GFM1: variants seen among roughly 807,000 people sequenced by gnomAD.
GFM1 encodes the protein elongation factor G, mitochondrial.
Under a neutral mutation model 96.2 loss-of-function variants are expected in GFM1, and 62 were observed. The observed-to-expected ratio is 0.64, with a 90% CI of 0.53 to 0.80. GFM1 has a LOEUF of 0.80. Ranked by LOEUF, GFM1 falls within the 30% of genes least tolerant of loss-of-function variation. GFM1 has a pLI of 0.00. For synonymous variants in GFM1, 282 were observed against 312.9 expected, an observed-to-expected ratio of 0.90 and a Z score of 1.04; for missense variants, 852 against 916.6, an observed-to-expected ratio of 0.93 and a Z score of 0.91.
chr3:158,654,956 T>C (rs1180145779), intron 8 of GFM1, among the ~76,000 whole-genome samples: 9 of 152,330 alleles, frequency 5.9e-5, no homozygotes, highest in African/African-American at 1.4e-4. Flanking sequence ...TTTTAAATAG[T>C]AGCATAACAG....
intron 13 of GFM1, chr3:158,667,197 T>C: frequency 2.8e-6 from 3 of 1,073,896 alleles, no homozygotes; most frequent in Non-Finnish European, 3.8e-6. Context: ...AAAATAAAAA[T>C]TGAATGTCAT....
At chr3:158,680,374 A>G (rs1576784196) in intron 13 of GFM1, among the ~76,000 whole-genome samples, 1 of 152,134 alleles carries the variant, frequency 6.6e-6, no homozygotes, top group Non-Finnish European at 1.5e-5. Context: ...TGTCTTTCAT[A>G]ATGTGACATT....
intron 14 of GFM1, among the ~76,000 whole-genome samples, chr3:158,683,580 G>A (rs150414528): frequency 6.6e-6 from 1 of 152,338 alleles, no homozygotes; most frequent in Non-Finnish European, 1.5e-5. Context: ...ATAATGTAGT[G>A]ATCTGCCAAT....
In GFM1 at chr3:158,666,023, G is replaced by C. The variant is rs565777683; in HGVS notation, c.1519-281G>C. Among the ~76,000 whole-genome samples, 9 of 152,218 alleles carry C rather than the reference G, an allele frequency of 5.9e-5. No homozygotes were observed. In the South Asian group the frequency reaches 1.9e-3, roughly 32 times the overall value. ...CAACAGATTTATATATTATTCCAGT[G>C]AATATGTAATAATATTCAACAATGG... is the stretch of plus-strand genomic sequence containing the variant. On this transcript the variant is annotated intron_variant, in intron 12 of 17. Transcript: ENST00000486715.
At chr3:158,669,700 C>T (rs1350473214) in intron 13 of GFM1, 1 of 1,223,904 alleles carries the variant, frequency 8.2e-7, no homozygotes, top group Non-Finnish European at 1.2e-6. Context: ...GCATAGGCTC[C>T]TAATGGTGTT....
intron 8 of GFM1, chr3:158,656,341 C>G (rs999543318): frequency 5.9e-6 from 1 of 168,224 alleles, no homozygotes; most frequent in Non-Finnish European, 1.3e-5. Flanking sequence ...TTAGTAGAGA[C>G]ATAGTTTCTC....
At chr3:158,644,752 C>T (rs1721608361) in intron 1 of GFM1, 37 bp downstream of exon 1, 1 of 1,523,364 alleles carries the variant, frequency 6.6e-7, no homozygotes, top group Non-Finnish European at 8.9e-7. Flanking sequence ...GGGACCATTC[C>T]CGGAACCTTG....
intron 13 of GFM1, 24 bp downstream of exon 13, chr3:158,666,410 A>G: frequency 6.3e-7 from 1 of 1,583,894 alleles, no homozygotes; most frequent in Non-Finnish European, 8.7e-7. Context: ...GTAATTAAAC[A>G]TTATGAGGCT....
chr3:158,659,780 C>T (rs73028942), intron 9 of GFM1, among the ~76,000 whole-genome samples: 2,451 of 152,216 alleles, frequency 0.016, 54 homozygotes, highest in African/African-American at 0.057. Context: ...AAAATCTTAA[C>T]GAATTTTTTG....
chr3:158,654,591 A>T lies in GFM1; in HGVS notation c.1043A>T (p.Asp348Val), dbSNP rs1040378688. Residue 348 changes from aspartate to valine, a missense_variant, in exon 8 of 18, where the codon GAC (aspartate) becomes GTC (valine). Transcript: ENST00000486715. ...KTKILMNSSR[D>V]NSHPFVGLAF... ...AAAATCCTAATGAACTCCAGTAGAG[A>T]CAATTCCCACCCATTTGTAGGCCTG... 1.2e-6 allele frequency: 2 copies of T among 1,613,204 alleles called. No individual in the cohort carries two copies. Among genetic ancestry groups the T allele is most frequent in the Non-Finnish European group, 1.7e-6 (2 of 1,179,336 alleles).
chr3:158,672,597 C>T (rs1033670920), intron 13 of GFM1: 1 of 1,259,464 alleles, frequency 7.9e-7, no homozygotes, highest in African/African-American at 1.5e-5. Flanking sequence ...GTCGCAAGCT[C>T]CTTCAGTCAG....
chr3:158,652,596 C>G (rs942552435), intron 6 of GFM1, among the ~76,000 whole-genome samples: 1 of 152,076 alleles, frequency 6.6e-6, no homozygotes, highest in Non-Finnish European at 1.5e-5. Context: ...AGCTAAAGCT[C>G]CACTACGTAT....
At chr3:158,679,470 G>A (rs774818133) in intron 13 of GFM1, among the ~76,000 whole-genome samples, 14 of 152,096 alleles carry the variant, frequency 9.2e-5, no homozygotes, top group Non-Finnish European at 1.8e-4. Flanking sequence ...TATAAATACA[G>A]TGTTTCTTTG....
Position 158,658,903 on chromosome 3 carries a change from A to C in GFM1, c.1084-19A>C, listed in dbSNP as rs770497938. 1.2e-6 allele frequency: 2 copies of C among 1,613,636 alleles called. No homozygotes were observed. Among genetic ancestry groups the C allele is most frequent in the Non-Finnish European group, 1.7e-6 (2 of 1,179,554 alleles). On this transcript the variant is annotated intron_variant, in intron 8 of 17. Coordinates refer to ENST00000486715, the MANE Select transcript of GFM1 (RefSeq NM_024996.7). ...GTTTCTTTTTATTCTTCCTGCCCTT[A>C]CCCAATCTTGACTTCTAGGTAGGTC...
chr3:158,646,313 G>C lies in GFM1; in HGVS notation c.367+16G>C. ...GATACTCCTGGTGAGTTGGATTCTTGGTTTTATTGCAGCTTCTTTGGCAAA... is the reference window on the plus strand; with the variant it reads ...GATACTCCTGGTGAGTTGGATTCTTCGTTTTATTGCAGCTTCTTTGGCAAA... On this transcript the variant is annotated intron_variant, in intron 3 of 17. Coordinates refer to ENST00000486715, the MANE Select transcript of GFM1 (RefSeq NM_024996.7). The C allele has an allele frequency of 6.2e-7, 1 of 1,613,668 alleles. No individual in the cohort carries two copies. The highest frequency in any genetic ancestry group is 8.5e-7 in the Non-Finnish European group (1 of 1,179,768).
rs1181233863 is a variant in GFM1, at chr3:158,693,852, CTT to C, written c.*2390_*2391del. ...TTATTTGGCTGGATCAAGATAAAAA[CTT>C]TTTTGGGTGATTCTAATATGCAGAC... On this transcript the variant is annotated 3_prime_UTR_variant, in exon 18 of 18. Coordinates refer to ENST00000486715, the MANE Select transcript of GFM1 (RefSeq NM_024996.7). 1 of 152,144 alleles carries C rather than the reference CTT, an allele frequency of 6.6e-6. No homozygotes were observed. Among genetic ancestry groups the C allele is most frequent in the African/African-American group, 2.4e-5 (1 of 41,440 alleles). The allele number at this position is 152,144 out of a possible 1,614,324, so 9.4% of individuals were successfully genotyped here.
chr3:158,680,016 G>A (rs556711003), intron 13 of GFM1, among the ~76,000 whole-genome samples: 13 of 152,140 alleles, frequency 8.5e-5, no homozygotes, highest in Non-Finnish European at 1.8e-4. Flanking sequence ...CCCATTGCTT[G>A]CAACTTTGTT....
chr3:158,671,857 TCTTTGA>T (rs1724351648), intron 13 of GFM1, among the ~76,000 whole-genome samples: 1 of 152,210 alleles, frequency 6.6e-6, no homozygotes, highest in Admixed American at 6.5e-5. Context: ...GTGCTTTTAT[TCTTTGA>T]CTTTGATTGT....
intron 13 of GFM1, among the ~76,000 whole-genome samples, chr3:158,674,921 T>C (rs149306161): frequency 6.7e-4 from 102 of 152,256 alleles, no homozygotes; most frequent in African/African-American, 2.3e-3. Context: ...AAAAAAATCA[T>C]TGTGCTTTAA....
Sources: allele counts gnomAD v4.1 joint callset (sites outside exome capture counted in the v4.1 genomes callset), GRCh38; gene constraint gnomAD v4.1.1; transcripts MANE v1.5; gene names NCBI Gene and HGNC (gene_info 2026-07-23, HGNC 2026-07-21).